The following PLXNB3 variants were observed in gnomAD, a reference collection of about 807,000 sequenced individuals.
PLXNB3 encodes plexin B3.
PLXNB3 carries 80 observed loss-of-function variants against 125.7 expected under a neutral mutation model. The ratio of observed to expected loss-of-function variants is 0.64; its 90% CI spans 0.53 to 0.77. The LOEUF (loss-of-function observed/expected upper bound fraction) is 0.77, where lower values mean the gene tolerates loss of function less well. Ranked by LOEUF, PLXNB3 falls within the 30% of genes least tolerant of loss-of-function variation. PLXNB3 has a pLI of 0.00. For missense variants in PLXNB3, 1,836 were observed against 1,729.3 expected, an observed-to-expected ratio of 1.06 and a Z score of -1.09; for synonymous variants, 954 against 783.3, an observed-to-expected ratio of 1.22 and a Z score of -3.64.
Position 153,773,924 on chromosome X carries a change from C to T in PLXNB3, c.3345C>T (p.Asp1115=), listed in dbSNP as rs782586367. The T allele has an allele frequency of 1.8e-4, 213 of 1,210,219 alleles. No homozygotes were observed. Among genetic ancestry groups the T allele is most frequent in the Non-Finnish European group, 2.3e-4 (209 of 895,173 alleles). The part of the protein sequence containing the change: ...LLLCRSPAVP[D]RAHPQRVFFT... ...TGTGCCGGAGCCCTGCTGTACCAGA[C>T]AGAGCCCACCCGCAGCGGGTCTTCT... The change falls in exon 20 of 36, where the codon GAC becomes GAT. Residue 1115 remains aspartate (D), a synonymous_variant. Coordinates refer to ENST00000361971, the MANE Select transcript of PLXNB3 (RefSeq NM_005393.3).
chrX:153,775,980 C>G lies in PLXNB3; in HGVS notation c.4495C>G (p.Arg1499Gly). 1 of 1,210,865 alleles carries G rather than the reference C, an allele frequency of 8.3e-7. No individual in the cohort carries two copies. Among genetic ancestry groups the G allele is most frequent in the Non-Finnish European group, 1.1e-6 (1 of 895,297 alleles). Residue 1499 changes from arginine (R) to glycine (G), a missense_variant, in exon 27 of 36, where the codon CGG becomes GGG. By Grantham distance (125) the Arg-to-Gly change is moderately radical. Coordinates refer to ENST00000361971, the MANE Select transcript of PLXNB3 (RefSeq NM_005393.3). ...PVDAVTGKAK[R>G]TLNDSRLLRE... ...GGACGCCGTGACAGGCAAGGCCAAACGGACCCTGAATGATAGCCGCTTGCT... is the reference window on the plus strand; with the variant it reads ...GGACGCCGTGACAGGCAAGGCCAAAGGGACCCTGAATGATAGCCGCTTGCT...
At chrX:153,777,782 G>A (rs2092013186) in intron 31 of PLXNB3, 94 bp downstream of exon 31, 4 of 1,095,368 alleles carry the variant, frequency 3.7e-6, no homozygotes, top group South Asian at 4.1e-5. Flanking sequence ...CCCACCTGGG[G>A]TTTCTGGAAC....
At chrX:153,770,271 G>A (rs1339196984) in intron 8 of PLXNB3, 23 bp downstream of exon 8, 3 of 1,207,418 alleles carry the variant, frequency 2.5e-6, no homozygotes, top group Non-Finnish European at 3.4e-6. Flanking sequence ...TGGGGTAGGG[G>A]GCTGGGATGG....
Position 153,774,217 on chromosome X carries a change from A to G in PLXNB3, c.3551A>G (p.Glu1184Gly). 1 of 1,202,945 alleles carries G rather than the reference A, an allele frequency of 8.3e-7. No homozygotes were observed. The highest frequency in any genetic ancestry group is 1.1e-6 in the Non-Finnish European group (1 of 894,632). ...GGCCTCAACCTGGGCATCAGCAAGG[A>G]GGAGGTGCGCGTGCACATCGGCCGC... Reference protein sequence around the residue: ...GEGLNLGISKEEVRVHIGRGE... With the variant: ...GEGLNLGISKGEVRVHIGRGE... The change falls in exon 21 of 36, where the codon GAG (glutamate) becomes GGG (glycine). Residue 1184 changes from glutamate (E) to glycine (G), a missense_variant. Coordinates refer to ENST00000361971, the MANE Select transcript of PLXNB3 (RefSeq NM_005393.3).
chrX:153,778,593 C>T lies in PLXNB3; in HGVS notation c.5551-7C>T. The stretch of plus-strand genomic sequence containing the variant: ...CCTCACTGCCCCCCTCCACGTGGTG[C>T]CCCCAGAACTACACTTCTGCTCCCC... On this transcript the variant is annotated splice_region_variant and splice_polypyrimidine_tract_variant and intron_variant, in intron 34 of 35. Transcript: ENST00000361971. The T allele has an allele frequency of 8.4e-7, 1 of 1,196,882 alleles. No individual in the cohort carries two copies. Among genetic ancestry groups the T allele is most frequent in the Non-Finnish European group, 1.1e-6 (1 of 885,772 alleles).
rs782513321 is a variant in PLXNB3, at chrX:153,767,292, T to A, written c.465T>A (p.Ala155=). ...LGDVAEVLYQ[A]EDPGDGQFVA... ...ATGTGGCCGAGGTGCTGTACCAGGC[T>A]GAGGACCCTGGTGACGGGCAGTTTG... Residue 155 remains alanine, a synonymous_variant, in exon 3 of 36, where the codon GCT becomes GCA. Transcript: ENST00000361971. 1.7e-6 allele frequency: 2 copies of A among 1,205,175 alleles called. No individual in the cohort carries two copies. Among genetic ancestry groups the A allele is most frequent in the Non-Finnish European group, 2.2e-6 (2 of 892,761 alleles).
rs1282790147 is a variant in PLXNB3 at position 153,779,217 on chromosome X, T to TC, written c.*184dup. ...ACCTCCCCTGCCAGCCCACCCACCT[T>TC]CCCCCCACCTGAGATTGTTTCTAAT... On this transcript the variant is annotated 3_prime_UTR_variant, in exon 36 of 36. Transcript: ENST00000361971. 12 of 267,556 alleles carry TC rather than the reference T, an allele frequency of 4.5e-5. No individual in the cohort carries two copies. Among genetic ancestry groups the TC allele is most frequent in the South Asian group, 1.9e-4 (1 of 5,285 alleles). The allele number at this position is 267,556 out of a possible 1,213,427, so 22.0% of individuals were successfully genotyped here.
chrX:153,773,438 C>G (rs782810416), intron 18 of PLXNB3, 32 bp downstream of exon 18: 1 of 1,189,304 alleles, frequency 8.4e-7, no homozygotes, highest in Non-Finnish European at 1.1e-6. Flanking sequence ...AGCCTGTGCA[C>G]CACGCAGGAG....
rs782389181 is a variant in PLXNB3, at chrX:153,775,089, C to T, written c.4141C>T (p.Leu1381Phe). 3.5e-4 allele frequency: 418 copies of T among 1,200,461 alleles called. 1 individual carries two copies. Among genetic ancestry groups the T allele is most frequent in the South Asian group, 3.3e-3 (183 of 54,976 alleles). Residue 1381 changes from leucine to phenylalanine, a missense_variant, in exon 24 of 36, where the codon CTC becomes TTC. Coordinates refer to ENST00000361971, the MANE Select transcript of PLXNB3 (RefSeq NM_005393.3). ...TQLSNLLNSKLFLLTLIHTLE... is the reference protein window; with the variant it reads ...TQLSNLLNSKFFLLTLIHTLE... ...GCTCTCCAACCTGCTCAACAGCAAG[C>T]TCTTCCTCCTCACGGTGAGGGCCGT...
In PLXNB3 at chrX:153,770,556, C is replaced by T. The variant is rs1289345640; in HGVS notation, c.1924C>T (p.Arg642Trp). ...PCRACVGSIWRCHWCPQSSHC... is the reference protein window; with the variant it reads ...PCRACVGSIWWCHWCPQSSHC... ...TCGCGCTTGCGTGGGCAGCATCTGG[C>T]GGTGTCACTGGTGCCCGCAGAGTAG... The change falls in exon 10 of 36, where the codon CGG (arginine) becomes TGG (tryptophan). Residue 642 changes from arginine (R) to tryptophan (W), a missense_variant. Arg to Trp is a moderately radical substitution (Grantham distance 101). Transcript: ENST00000361971. 9 of 1,210,305 alleles carry T rather than the reference C, an allele frequency of 7.4e-6. No individual in the cohort carries two copies. Among genetic ancestry groups the T allele is most frequent in the East Asian group, 5.9e-5 (2 of 33,798 alleles).
In PLXNB3 at chrX:153,767,928, C is replaced by T; in HGVS notation, c.1086+15C>T. 1.8e-6 allele frequency: 2 copies of T among 1,083,697 alleles called. No individual in the cohort carries two copies. Among genetic ancestry groups the T allele is most frequent in the South Asian group, 2.3e-5 (1 of 43,025 alleles). The allele number at this position is 1,083,697 out of a possible 1,213,427, so 89.3% of individuals were successfully genotyped here. ...CCCTGCCCCTTGTGAGTGGCATGCC[C>T]TTCCATCCCCCCTCTCTGTGGATGG... On this transcript the variant is annotated intron_variant, in intron 3 of 35. Transcript: ENST00000361971.
At chrX:153,772,664 A>G in intron 16 of PLXNB3, 1 of 978,765 alleles carries the variant, frequency 1.0e-6, no homozygotes, top group Non-Finnish European at 1.3e-6. Context: ...GGCAGTGAGG[A>G]TGAAAGAGCC....
At chrX:153,772,574 C>G in intron 16 of PLXNB3, 1 of 623,852 alleles carries the variant, frequency 1.6e-6, no homozygotes, top group Non-Finnish European at 2.2e-6. Context: ...AAAGAGGCAA[C>G]TGGATTTGAG....
At position 153,767,471 on chromosome X, in the gene PLXNB3, C is replaced by G. The variant is rs1557059684; in HGVS notation, c.644C>G (p.Ser215Cys). Residue 215 changes from serine (S) to cysteine (C), a missense_variant, in exon 3 of 36, where the codon TCC (serine) becomes TGC (cysteine). Ser to Cys is a moderately radical substitution (Grantham distance 112). Transcript: ENST00000361971. Reference sequence around the variant, plus strand: ...CAGCTGGCCGGGTCTCAGCCCTTCTCCAGCGAGGGCCTGGGCCGCCTGGTG... The same window carrying G: ...CAGCTGGCCGGGTCTCAGCCCTTCTGCAGCGAGGGCCTGGGCCGCCTGGTG... ...IRQLAGSQPF[S>C]SEGLGRLVVG... 1.7e-6 allele frequency: 2 copies of G among 1,194,205 alleles called. No individual in the cohort carries two copies. Among genetic ancestry groups the G allele is most frequent in the Non-Finnish European group, 2.3e-6 (2 of 886,157 alleles).
rs1557059719 is a variant in PLXNB3, at chrX:153,767,518, A to G, written c.691A>G (p.Asn231Asp). 8.5e-7 allele frequency: 1 copy of G among 1,179,589 alleles called. No homozygotes were observed. The highest frequency in any genetic ancestry group is 3.0e-5 in the East Asian group (1 of 33,409). Residue 231 changes from asparagine to aspartate, a missense_variant, in exon 3 of 36, where the codon AAC (asparagine) becomes GAC (aspartate). Transcript: ENST00000361971. ...GGTGGTGGGCGACTTCTCCGACTAC[A>G]ACAACAGCTACGTCGGGGCCTTTGC... ...RLVVGDFSDY[N>D]NSYVGAFADA...
At chrX:153,776,740 AG>A (rs2091999478) in intron 28 of PLXNB3, 146 bp from the exon 29 acceptor site, 2 of 241,221 alleles carry the variant, frequency 8.3e-6, no homozygotes, top group African/African-American at 1.5e-4. Flanking sequence ...GAGGCAAGGC[AG>A]GGAAGGGCAG....
At chrX:153,768,755 C>T (rs1221471649) in intron 4 of PLXNB3, among the ~76,000 whole-genome samples, 193 bp from the exon 5 acceptor site, 9 of 112,305 alleles carry the variant, frequency 8.0e-5, no homozygotes, top group South Asian at 3.7e-4. Flanking sequence ...GCTGCTGCCC[C>T]GGTGTCATGG....
In PLXNB3 at chrX:153,774,020, C is replaced by T. The variant is rs375474840; in HGVS notation, c.3441C>T (p.Asn1147=). The T allele has an allele frequency of 1.5e-5, 18 of 1,202,068 alleles. No homozygotes were observed. The highest frequency in any genetic ancestry group is 2.3e-4 in the Middle Eastern group (1 of 4,302). ...SGGQGFLYQP[N]PRLAPLSREG... ...GCCAGGGCTTCCTGTACCAGCCCAA[C>T]CCCCGCCTGGCACCCCTCAGCCGCG... Residue 1147 remains asparagine, a synonymous_variant, in exon 20 of 36, where the codon AAC becomes AAT. Coordinates refer to ENST00000361971, the MANE Select transcript of PLXNB3 (RefSeq NM_005393.3).
rs973814086 is a variant in PLXNB3 at position 153,768,975 on chromosome X, G to A, written c.1294G>A (p.Val432Ile). 1 of 1,211,653 alleles carries A rather than the reference G, an allele frequency of 8.3e-7. No homozygotes were observed. Among genetic ancestry groups the A allele is most frequent in the Non-Finnish European group, 1.1e-6 (1 of 895,227 alleles). ...CTTTCTCCACGGCTCCCAGGGCCAG[G>A]TTTACCACTCCCAGCAAGTGGGGCC... ...KVFLHGSQGQ[V>I]YHSQQVGPPG... The change falls in exon 5 of 36, where the codon GTT becomes ATT. Residue 432 changes from valine (V) to isoleucine (I), a missense_variant. Transcript: ENST00000361971.
Sources: gnomAD v4.1 joint callset for allele counts (sites outside exome capture counted in the v4.1 genomes callset) on GRCh38, gnomAD v4.1.1 for gene constraint, MANE v1.5 for transcripts, NCBI Gene and HGNC (gene_info 2026-07-23, HGNC 2026-07-21) for gene names.